The following GABRR2 variants were observed in gnomAD, a reference collection of about 807,000 sequenced individuals.
GABRR2 encodes the protein gamma-aminobutyric acid type A receptor subunit rho2, also known as gamma-aminobutyric acid receptor subunit rho-2.
GABRR2 carries 36 observed loss-of-function variants against 47.0 expected under a neutral mutation model. That is an observed-to-expected ratio of 0.77 (90% CI 0.59 to 1.01). GABRR2 has a LOEUF of 1.01. Among genes scored for constraint, GABRR2 ranks in the 50% least tolerant of loss-of-function variants. GABRR2 has a pLI of 0.00. For synonymous variants in GABRR2, 204 were observed against 227.5 expected (o/e 0.90, Z 0.93); for missense variants, 587 against 594.6 (o/e 0.99, Z 0.13).
At chr6:89,297,165 C>T (rs1774570781) in intron 2 of GABRR2, among the ~76,000 whole-genome samples, 1 of 152,278 alleles carries the variant, frequency 6.6e-6, no homozygotes, top group African/African-American at 2.4e-5. Flanking sequence ...AAAAAAATAT[C>T]AAAAAGCATA....
chr6:89,302,760 A>T, intron 1 of GABRR2: 2 of 1,440,050 alleles, frequency 1.4e-6, no homozygotes, highest in Non-Finnish European at 1.9e-6. Context: ...GATGCTGTCC[A>T]TCCAGAGCAA....
chr6:89,274,926 T>C (rs1774132030), intron 2 of GABRR2, among the ~76,000 whole-genome samples: 1 of 152,004 alleles, frequency 6.6e-6, no homozygotes, highest in Non-Finnish European at 1.5e-5. Context: ...AGACTTCTCT[T>C]TGGGATTTCT....
At chr6:89,294,071 G>GT (rs779022334) in intron 2 of GABRR2, among the ~76,000 whole-genome samples, 17 of 152,048 alleles carry the variant, frequency 1.1e-4, no homozygotes, top group Non-Finnish European at 2.2e-4. Context: ...AAAATATTTT[G>GT]TTTAAAAAAT....
intron 2 of GABRR2, among the ~76,000 whole-genome samples, chr6:89,273,263 C>T (rs761959719): frequency 1.6e-4 from 24 of 152,266 alleles, no homozygotes; most frequent in East Asian, 3.9e-4. Flanking sequence ...GACAGAGTCT[C>T]GCTCTGTTGC....
chr6:89,303,647 GA>G (rs34541330), intron 1 of GABRR2, among the ~76,000 whole-genome samples: 13,882 of 102,620 alleles, frequency 0.14, 675 homozygotes, highest in South Asian at 0.15. Flanking sequence ...TCTTAAGGAG[GA>G]AAAAAAAAAA....
In GABRR2 at chr6:89,254,705, A is replaced by C. The variant is rs1773566007; in HGVS notation, c.*2965T>G. On this transcript the variant is annotated 3_prime_UTR_variant, in exon 9 of 9. Transcript: ENST00000402938. Reference sequence around the variant, plus strand: ...TTTGCTTCTCTGTCTTCCTGCCTCCAGGGTGAATCATCCCATGTTCTCACT... The same window carrying C: ...TTTGCTTCTCTGTCTTCCTGCCTCCCGGGTGAATCATCCCATGTTCTCACT... Among the ~76,000 whole-genome samples, 1 of 152,164 alleles carries C rather than the reference A, an allele frequency of 6.6e-6. No individual in the cohort carries two copies. The highest frequency in any genetic ancestry group is 1.5e-5 in the Non-Finnish European group (1 of 68,024).
At chr6:89,275,366 C>T (rs1774140061) in intron 2 of GABRR2, among the ~76,000 whole-genome samples, 2 of 152,100 alleles carry the variant, frequency 1.3e-5, no homozygotes, top group South Asian at 2.1e-4. Flanking sequence ...CTCTACCTCC[C>T]GGGTTCAAGC....
At chr6:89,301,994 A>G in intron 1 of GABRR2, 1 of 735,110 alleles carries the variant, frequency 1.4e-6, no homozygotes, top group Non-Finnish European at 2.4e-6. Context: ...GGAGCCCGGG[A>G]CCATGGACAG....
chr6:89,308,226 C>T (rs938775334), intron 1 of GABRR2, among the ~76,000 whole-genome samples: 6 of 152,140 alleles, frequency 3.9e-5, no homozygotes, highest in Non-Finnish European at 7.4e-5. Flanking sequence ...TTATGAAATC[C>T]TTAAGTTTCA....
chr6:89,260,282 T>A lies in GABRR2; in HGVS notation c.1087-2301A>T, dbSNP rs552337368. 2.4e-4 allele frequency among the ~76,000 whole-genome samples: 37 copies of A among 152,316 alleles called. 1 individual carries two copies. In the South Asian group the frequency reaches 7.5e-3, roughly 31 times the overall value. On this transcript the variant is annotated intron_variant, in intron 8 of 8. Transcript: ENST00000402938. Reference sequence around the variant, plus strand: ...GTGTGATATTATCATTGGGGGGTTATTTATTTATTTAAGGCACAGTTCTTC... The same window carrying A: ...GTGTGATATTATCATTGGGGGGTTAATTATTTATTTAAGGCACAGTTCTTC...
intron 1 of GABRR2, among the ~76,000 whole-genome samples, chr6:89,307,026 C>T (rs1287772659): frequency 6.6e-6 from 1 of 152,184 alleles, no homozygotes; most frequent in South Asian, 2.1e-4. Flanking sequence ...TTGCACTTAG[C>T]ACAATGCCCG....
chr6:89,290,850 G>A (rs542626323), intron 2 of GABRR2, among the ~76,000 whole-genome samples: 1 of 152,154 alleles, frequency 6.6e-6, no homozygotes, highest in African/African-American at 2.4e-5. Flanking sequence ...TTTTCCAAGA[G>A]CTACAGCTCT....
intron 2 of GABRR2, among the ~76,000 whole-genome samples, chr6:89,298,282 T>C (rs1174226635): frequency 1.3e-5 from 2 of 152,236 alleles, no homozygotes; most frequent in African/African-American, 4.8e-5. Context: ...GCTTCTGGGA[T>C]AAATTAATTT....
chr6:89,290,473 A>ACAGG (rs1166745036), intron 2 of GABRR2, among the ~76,000 whole-genome samples: 1 of 152,236 alleles, frequency 6.6e-6, no homozygotes, highest in Non-Finnish European at 1.5e-5. Flanking sequence ...AGAGGCATGC[A>ACAGG]CAGGCCCTGG....
In GABRR2 at chr6:89,269,078, G is replaced by A; in HGVS notation, c.445C>T (p.His149Tyr). The A allele has an allele frequency of 6.2e-7, 1 of 1,614,034 alleles. No homozygotes were observed. Among genetic ancestry groups the A allele is most frequent in the East Asian group, 2.2e-5 (1 of 44,888 alleles). The change falls in exon 4 of 9, where the codon CAT (histidine) becomes TAT (tyrosine). Residue 149 changes from histidine (H) to tyrosine (Y), a missense_variant. Coordinates refer to ENST00000402938, the MANE Select transcript of GABRR2 (RefSeq NM_002043.5). ...FFVHSKRSFTHDTTTDNIMLR... is the reference protein window; with the variant it reads ...FFVHSKRSFTYDTTTDNIMLR... ...ATGATGTTGTCAGTGGTGGTGTCAT[G>A]AGTGAACGATCTTTTGGAGTGAACA...
At chr6:89,261,156 C>CCCTGT (rs1018686309) in intron 8 of GABRR2, among the ~76,000 whole-genome samples, 23 of 152,296 alleles carry the variant, frequency 1.5e-4, no homozygotes, top group African/African-American at 5.3e-4. Context: ...GTTTGTGAGC[C>CCCTGT]TTGTCAGATG....
chr6:89,312,025 C>A (rs1767690062), intron 1 of GABRR2, among the ~76,000 whole-genome samples: 1 of 151,672 alleles, frequency 6.6e-6, no homozygotes, highest in South Asian at 2.1e-4. Context: ...GGAAGGATGG[C>A]CGAGGTAGGG....
rs945847926 is a variant in GABRR2, at chr6:89,255,432, T to C, written c.*2238A>G. Among the ~76,000 whole-genome samples the C allele has an allele frequency of 2.0e-5, 3 of 152,208 alleles. No individual in the cohort carries two copies. The highest frequency in any genetic ancestry group is 2.9e-5 in the Non-Finnish European group (2 of 68,040). ...AGCCTGAGCAACAAGAGTGAAACTC[T>C]GTCTCAGAAAAGAAAAAAAGGTTTC... On this transcript the variant is annotated 3_prime_UTR_variant, in exon 9 of 9. Coordinates refer to ENST00000402938, the MANE Select transcript of GABRR2 (RefSeq NM_002043.5).
In GABRR2 at chr6:89,254,732, TTTCCTTAG is replaced by T. The variant is rs1259043022; in HGVS notation, c.*2930_*2937del. 6.6e-6 allele frequency among the ~76,000 whole-genome samples: 1 copy of T among 152,218 alleles called. No homozygotes were observed. Among genetic ancestry groups the T allele is most frequent in the Non-Finnish European group, 1.5e-5 (1 of 68,026 alleles). ...GGTGAATCATCCCATGTTCTCACTA[TTTCCTTAG>T]TTCCTGTTTTCTACTCCTACCAATG... On this transcript the variant is annotated 3_prime_UTR_variant, in exon 9 of 9. Coordinates refer to ENST00000402938, the MANE Select transcript of GABRR2 (RefSeq NM_002043.5).
Sources: allele counts gnomAD v4.1 joint callset (sites outside exome capture counted in the v4.1 genomes callset), GRCh38; gene constraint gnomAD v4.1.1; transcripts MANE v1.5; gene names NCBI Gene and HGNC (gene_info 2026-07-23, HGNC 2026-07-21).